FABP12: variants seen among roughly 807,000 people sequenced by gnomAD.
The protein encoded by FABP12 is fatty acid-binding protein 12.
Under a neutral mutation model 13.7 loss-of-function variants are expected in FABP12, and 19 were observed. The observed-to-expected ratio is 1.39, with a 90% confidence interval of 0.97 to 2.04. FABP12 has a LOEUF of 2.04. FABP12 is among the 30% of genes most tolerant of loss of function. FABP12 has a pLI of 0.00. For missense variants in FABP12, 182 were observed against 164.2 expected (o/e 1.11, Z -0.59); for synonymous variants, 61 against 57.0 (o/e 1.07, Z -0.32).
chr8:81,542,504 A>G (rs554164786), intron 1 of FABP12, among the ~76,000 whole-genome samples: 1 of 152,242 alleles, frequency 6.6e-6, no homozygotes, highest in South Asian at 2.1e-4. Flanking sequence ...GAAAGCTAGA[A>G]CCAACCTGGT....
At chr8:81,567,360 T>C (rs939832595) in intron 1 of FABP12, among the ~76,000 whole-genome samples, 1 of 152,198 alleles carries the variant, frequency 6.6e-6, no homozygotes, top group Admixed American at 6.5e-5. Context: ...AAAGCAAGCC[T>C]GAGCAAAAAG....
rs576968792 is a variant in FABP12, at chr8:81,544,520, G to C, written c.-184-4777C>G. 1.5e-3 allele frequency among the ~76,000 whole-genome samples: 231 copies of C among 152,266 alleles called. 1 individual carries two copies. Among genetic ancestry groups the C allele is most frequent in the African/African-American group, 5.4e-3 (225 of 41,548 alleles). On this transcript the variant is annotated intron_variant, in intron 1 of 5. Coordinates refer to the FABP12 transcript ENST00000692030. ...CCTAGGTTTCTCCCATTAGAGTGTG[G>C]ACATATTTTTTTGAGGGTGACCATT...
chr8:81,571,153 T>C (rs1585856062), intron 1 of FABP12, among the ~76,000 whole-genome samples: 1 of 152,138 alleles, frequency 6.6e-6, no homozygotes, highest in East Asian at 1.9e-4. Flanking sequence ...CAGGCTGTGA[T>C]AGTACTTGGG....
chr8:81,580,760 C>T (rs1254075059), intron 1 of FABP12, among the ~76,000 whole-genome samples: 1 of 131,406 alleles, frequency 7.6e-6, no homozygotes, highest in Admixed American at 7.8e-5. Flanking sequence ...CTAGCTTATG[C>T]CCACCCACCC....
At chr8:81,526,078 A>T (rs972919028) in intron 4 of FABP12, 4 of 152,236 alleles carry the variant, frequency 2.6e-5, no homozygotes, top group African/African-American at 9.6e-5. Context: ...TATAAACAGC[A>T]ATAAAATCAA....
chr8:81,589,225 C>A (rs1003031845), intron 1 of FABP12, among the ~76,000 whole-genome samples: 2 of 152,058 alleles, frequency 1.3e-5, no homozygotes, highest in Non-Finnish European at 1.5e-5. Flanking sequence ...ATTAAATTTG[C>A]GAGTTAATTT....
intron 1 of FABP12, among the ~76,000 whole-genome samples, chr8:81,568,344 G>T (rs532814222): frequency 6.6e-6 from 1 of 152,190 alleles, no homozygotes; most frequent in East Asian, 1.9e-4. Context: ...CTCAAAAGAA[G>T]ACATACAAAT....
intron 2 of FABP12, among the ~76,000 whole-genome samples, chr8:81,529,830 T>A (rs1809016144): frequency 6.6e-6 from 1 of 152,162 alleles, no homozygotes; most frequent in Admixed American, 6.5e-5. Flanking sequence ...AAATAGACTA[T>A]CTTTGCAGAA....
intron 1 of FABP12, among the ~76,000 whole-genome samples, chr8:81,553,898 C>T (rs529061423): frequency 5.4e-4 from 82 of 152,228 alleles, no homozygotes; most frequent in African/African-American, 1.9e-3. Flanking sequence ...AATTCCCTTG[C>T]AACATAACAA....
intron 1 of FABP12, among the ~76,000 whole-genome samples, chr8:81,582,248 C>T (rs1810175405): frequency 6.6e-6 from 1 of 151,288 alleles, no homozygotes; most frequent in Non-Finnish European, 1.5e-5. Context: ...TCAGCCTCCC[C>T]AGTAGCTGAG....
chr8:81,566,200 A>G (rs574432398), intron 1 of FABP12, among the ~76,000 whole-genome samples: 15 of 152,114 alleles, frequency 9.9e-5, no homozygotes, highest in Admixed American at 3.9e-4. Context: ...GAATGCCATC[A>G]GTGACCCGAT....
At position 81,578,823 on chromosome 8, in the gene FABP12, G is replaced by GTTTTTTT. The variant is rs763089399; in HGVS notation, c.-185+11223_-185+11229dup. 3.8e-4 allele frequency among the ~76,000 whole-genome samples: 40 copies of GTTTTTTT among 105,608 alleles called. 14 individuals are homozygous for GTTTTTTT. Among genetic ancestry groups the GTTTTTTT allele is most frequent in the Non-Finnish European group, 4.9e-4 (28 of 56,808 alleles). 69.3% of individuals were successfully genotyped at this position (105,608 alleles called of 152,430 possible). A position where few individuals can be genotyped will look rare whatever the true frequency, so the allele number is the denominator to read the frequency against. On this transcript the variant is annotated intron_variant, in intron 1 of 5. Coordinates refer to the FABP12 transcript ENST00000692030. ...TACAGAATCTGACACATTTGTTCAA[G>GTTTTTTT]TTTTTTTTTTTTTTTTTTTGAGAAG... is the stretch of plus-strand genomic sequence containing the variant.
chr8:81,589,775 C>T (rs1443912583), intron 1 of FABP12, among the ~76,000 whole-genome samples: 1 of 152,192 alleles, frequency 6.6e-6, no homozygotes, highest in Non-Finnish European at 1.5e-5. Context: ...TCTGTGCAGG[C>T]AGGCATCAAG....
intron 1 of FABP12, among the ~76,000 whole-genome samples, chr8:81,584,129 A>G (rs1810208165): frequency 6.6e-6 from 1 of 152,240 alleles, no homozygotes; most frequent in South Asian, 2.1e-4. Context: ...GCATTTGATA[A>G]AATTCAACAT....
intron 1 of FABP12, among the ~76,000 whole-genome samples, chr8:81,541,521 T>C (rs1809342342): frequency 6.6e-6 from 1 of 152,142 alleles, no homozygotes; most frequent in African/African-American, 2.4e-5. Flanking sequence ...TCTGAGCAAT[T>C]CCCCTGGCCT....
At chr8:81,539,810 G>A (rs533507859) in intron 1 of FABP12, among the ~76,000 whole-genome samples, 1 of 152,318 alleles carries the variant, frequency 6.6e-6, no homozygotes, top group South Asian at 2.1e-4. Context: ...TTCAGACCCT[G>A]CTGGGTTCCC....
chr8:81,561,021 C>T (rs1809714988), intron 1 of FABP12, among the ~76,000 whole-genome samples: 1 of 152,216 alleles, frequency 6.6e-6, no homozygotes, highest in African/African-American at 2.4e-5. Context: ...TCTCATCCCA[C>T]TCTATGTTTG....
At chr8:81,541,469 AC>A (rs139304969) in intron 1 of FABP12, among the ~76,000 whole-genome samples, 1 of 152,004 alleles carries the variant, frequency 6.6e-6, no homozygotes, top group African/African-American at 2.4e-5. Flanking sequence ...TACTTTTGAG[AC>A]CCCCACGCTC....
chr8:81,559,059 T>C (rs140556577), intron 1 of FABP12, among the ~76,000 whole-genome samples: 334 of 152,310 alleles, frequency 2.2e-3, no homozygotes, highest in African/African-American at 3.6e-3. Context: ...GAGAAGACTC[T>C]TTCTCCTTAG....
Sources: allele counts gnomAD v4.1 joint callset (sites outside exome capture counted in the v4.1 genomes callset), GRCh38; gene constraint gnomAD v4.1.1; transcripts MANE v1.5; gene names NCBI Gene and HGNC (gene_info 2026-07-23, HGNC 2026-07-21).